Variants in CNTNAP2 observed in about 807,000 individuals in gnomAD.
CNTNAP2 encodes contactin-associated protein-like 2.
In CNTNAP2, 98 loss-of-function variants were observed where a neutral mutation model predicts 155.2. The ratio of observed to expected loss-of-function variants is 0.63; its 90% CI spans 0.54 to 0.75. CNTNAP2 has a LOEUF of 0.75. CNTNAP2 is among the 30% of genes least tolerant of loss of function. The pLI is 0.00. For synonymous variants in CNTNAP2, 651 were observed against 631.2 expected, an observed-to-expected ratio of 1.03 and a Z score of -0.47; for missense variants, 1,727 against 1,688.1, an observed-to-expected ratio of 1.02 and a Z score of -0.40.
chr7:146,268,799 C>T (rs1052364651), intron 1 of CNTNAP2, among the ~76,000 whole-genome samples: 2 of 152,140 alleles, frequency 1.3e-5, no homozygotes, highest in Non-Finnish European at 2.9e-5. Context: ...AGTAGCATAT[C>T]CATTATTTAC....
chr7:147,081,469 T>C (rs1187523304), intron 4 of CNTNAP2: 2 of 147,628 alleles, frequency 1.4e-5, no homozygotes, highest in East Asian at 4.0e-4. Context: ...CAGGCTGGAG[T>C]GCAGTGGCGC....
chr7:147,920,230 C>A (rs189333389), intron 14 of CNTNAP2, among the ~76,000 whole-genome samples: 10 of 151,762 alleles, frequency 6.6e-5, no homozygotes, highest in African/African-American at 2.4e-4. Context: ...GTGGCACATG[C>A]CTGTAATCCC....
rs190870084 is a variant in CNTNAP2, at chr7:147,265,968, C to A, written c.1349-34173C>A. On this transcript the variant is annotated intron_variant, in intron 8 of 23. Coordinates refer to ENST00000361727, the MANE Select transcript of CNTNAP2 (RefSeq NM_014141.6). Reference sequence around the variant, plus strand: ...AACAGCATCAACAAAAAAGTCCCCACAAAAACCTCATCCAAAGGTCAGCAA... The same window carrying A: ...AACAGCATCAACAAAAAAGTCCCCAAAAAAACCTCATCCAAAGGTCAGCAA... Among the ~76,000 whole-genome samples the A allele has an allele frequency of 1.7e-3, 255 of 152,248 alleles. 3 individuals carry two copies. Among genetic ancestry groups the A allele is most frequent in the Non-Finnish European group, 2.8e-4 (19 of 68,024 alleles).
chr7:146,350,986 A>C (rs1794905795), intron 1 of CNTNAP2, among the ~76,000 whole-genome samples: 1 of 137,098 alleles, frequency 7.3e-6, no homozygotes, highest in East Asian at 2.4e-4. Context: ...CAATGAGAGC[A>C]CATGAACACA....
intron 1 of CNTNAP2, among the ~76,000 whole-genome samples, chr7:146,282,314 C>T (rs1800264803): frequency 6.6e-6 from 1 of 152,210 alleles, no homozygotes; most frequent in Non-Finnish European, 1.5e-5. Context: ...CAAAGCAAAG[C>T]TTGGTTCTCT....
At chr7:146,931,527 C>T (rs1463234595) in intron 3 of CNTNAP2, among the ~76,000 whole-genome samples, 1 of 150,532 alleles carries the variant, frequency 6.6e-6, no homozygotes, top group Non-Finnish European at 1.5e-5. Context: ...GTTAAAAGAA[C>T]TAGAAAAGCA....
chr7:147,893,801 G>A (rs1799730978), intron 13 of CNTNAP2, among the ~76,000 whole-genome samples: 1 of 152,196 alleles, frequency 6.6e-6, no homozygotes, highest in Non-Finnish European at 1.5e-5. Context: ...CCAGATCTTG[G>A]AAGTGATTCT....
chr7:148,237,646 G>A (rs1242795726), intron 20 of CNTNAP2, among the ~76,000 whole-genome samples: 5 of 152,212 alleles, frequency 3.3e-5, no homozygotes, highest in Non-Finnish European at 5.9e-5. Flanking sequence ...CAAATGGTCT[G>A]AAGTCATTTA....
intron 1 of CNTNAP2, among the ~76,000 whole-genome samples, chr7:146,761,467 G>A (rs1229150941): frequency 1.3e-5 from 2 of 152,124 alleles, no homozygotes; most frequent in Admixed American, 6.6e-5. Flanking sequence ...GAGAAAATGT[G>A]AAGAAGAGCA....
At chr7:147,925,752 C>G (rs528676223) in intron 14 of CNTNAP2, among the ~76,000 whole-genome samples, 1 of 152,236 alleles carries the variant, frequency 6.6e-6, no homozygotes. Context: ...TGAGCCACCA[C>G]GCCCGGCCAT....
rs140227893 is a variant in CNTNAP2 at position 147,493,170 on chromosome 7, A to G, written c.1777+7129A>G. On this transcript the variant is annotated intron_variant, in intron 11 of 23. Coordinates refer to ENST00000361727, the MANE Select transcript of CNTNAP2 (RefSeq NM_014141.6). The stretch of plus-strand genomic sequence containing the variant: ...CATATTTTCATATCAGTGATTCTCA[A>G]TGAAAAGACCATAGGATATCTCAGT... Among the ~76,000 whole-genome samples, 111 of 152,332 alleles carry G rather than the reference A, an allele frequency of 7.3e-4. 1 individual carries two copies. Among genetic ancestry groups the G allele is most frequent in the African/African-American group, 2.5e-3 (105 of 41,578 alleles).
Position 147,520,597 on chromosome 7 carries a change from T to C in CNTNAP2, c.1777+34556T>C, listed in dbSNP as rs114180871. ...CTTCCGTGGAGGAGGAACACAGGAG[T>C]GAAATAGAAAGGTCTGCATTTGGTG... On this transcript the variant is annotated intron_variant, in intron 11 of 23. Coordinates refer to ENST00000361727, the MANE Select transcript of CNTNAP2 (RefSeq NM_014141.6). Among the ~76,000 whole-genome samples the C allele has an allele frequency of 9.3e-3, 1,410 of 152,040 alleles. 21 individuals carry two copies. The highest frequency in any genetic ancestry group is 0.032 in the African/African-American group (1,316 of 41,490).
At chr7:146,859,572 G>C (rs979273508) in intron 3 of CNTNAP2, among the ~76,000 whole-genome samples, 4 of 151,988 alleles carry the variant, frequency 2.6e-5, no homozygotes, top group African/African-American at 7.2e-5. Context: ...CTGGAGAATC[G>C]CTTGAACGCA....
chr7:148,005,807 G>A (rs537385312), intron 15 of CNTNAP2, among the ~76,000 whole-genome samples: 32 of 152,298 alleles, frequency 2.1e-4, no homozygotes, highest in African/African-American at 4.6e-4. Context: ...CAGTGGTCCA[G>A]CACGATTTGG....
In CNTNAP2 at chr7:148,283,269, A is replaced by AAGAAAGAG. The variant is rs1563024658; in HGVS notation, c.3475+16150_3475+16151insGAGAAAGA. On this transcript the variant is annotated intron_variant, in intron 21 of 23. Coordinates refer to ENST00000361727, the MANE Select transcript of CNTNAP2 (RefSeq NM_014141.6). ...AAAAAAAAAAAAAAAGAAAGAAAGA[A>AAGAAAGAG]AGAAAGAAAGAAAGAAAGAAAGAAA... is the stretch of plus-strand genomic sequence containing the variant. 2.3e-4 allele frequency among the ~76,000 whole-genome samples: 22 copies of AAGAAAGAG among 97,234 alleles called. 1 individual carries two copies. Among genetic ancestry groups the AAGAAAGAG allele is most frequent in the Admixed American group, 4.8e-4 (5 of 10,374 alleles). The allele number at this position is 97,234 out of a possible 152,430, so 63.8% of individuals were successfully genotyped here. A position where few individuals can be genotyped will look rare whatever the true frequency, so the allele number is the denominator to read the frequency against.
intron 3 of CNTNAP2, among the ~76,000 whole-genome samples, chr7:146,947,572 TATAC>T (rs1371869335): frequency 0.024 from 628 of 26,356 alleles, 8 homozygotes; most frequent in South Asian, 0.1. Context: ...TATATATATA[TATAC>T]ATATATATAT....
At chr7:147,501,461 A>G (rs988850447) in intron 11 of CNTNAP2, among the ~76,000 whole-genome samples, 2 of 152,194 alleles carry the variant, frequency 1.3e-5, no homozygotes, top group Non-Finnish European at 2.9e-5. Flanking sequence ...TGCAGATGAC[A>G]TGCTCTTATA....
At chr7:147,865,829 T>A (rs1799217192) in intron 13 of CNTNAP2, among the ~76,000 whole-genome samples, 1 of 152,214 alleles carries the variant, frequency 6.6e-6, no homozygotes, top group Admixed American at 6.5e-5. Context: ...TTCATTAGTC[T>A]TGCTAGTGGT....
intron 8 of CNTNAP2, among the ~76,000 whole-genome samples, chr7:147,210,040 C>T (rs1176934591): frequency 6.6e-6 from 1 of 151,840 alleles, no homozygotes; most frequent in Non-Finnish European, 1.5e-5. Context: ...ATCAGGGATA[C>T]TGACTTGAAG....
Sources: gnomAD v4.1 joint callset for allele counts (sites outside exome capture counted in the v4.1 genomes callset) on GRCh38, gnomAD v4.1.1 for gene constraint, MANE v1.5 for transcripts, NCBI Gene and HGNC (gene_info 2026-07-23, HGNC 2026-07-21) for gene names.